Variants in MTMR9 observed in about 807,000 individuals in gnomAD.
MTMR9 encodes the protein myotubularin related protein 9.
In MTMR9, 39 loss-of-function variants were observed where a neutral mutation model predicts 69.5. The observed-to-expected ratio is 0.56, with a 90% CI of 0.43 to 0.73. The LOEUF (loss-of-function observed/expected upper bound fraction) is 0.73. Ranked by LOEUF, MTMR9 falls within the 30% of genes least tolerant of loss-of-function variation. The probability of loss-of-function intolerance (pLI) is 0.00; values close to 1 mark genes in which losing one functional copy is unlikely to be tolerated. For synonymous variants in MTMR9, 354 were observed against 240.8 expected (o/e 1.47, Z -4.35); for missense variants, 900 against 671.2 (o/e 1.34, Z -3.77).
Position 11,316,734 on chromosome 8 carries a change from G to A in MTMR9, c.1175G>A (p.Trp392Ter). 1 of 1,613,714 alleles carries A rather than the reference G, an allele frequency of 6.2e-7. No homozygotes were observed. Among genetic ancestry groups the A allele is most frequent in the Non-Finnish European group, 8.5e-7 (1 of 1,179,888 alleles). Residue 392 changes from tryptophan to a stop codon, truncating the protein, a stop_gained, in exon 8 of 10, where the codon TGG becomes TAG. Transcript: ENST00000221086. LOFTEE classifies it high-confidence loss of function. ...QSAYCNTKQK[W>*]EAPVFLLFLD... is the part of the protein sequence containing the mutation. The stretch of plus-strand genomic sequence containing the variant: ...GCCTACTGTAACACCAAGCAGAAGT[G>A]GGAGGCTCCTGTATTTCTTCTCTTC...
chr8:11,316,771 G>A lies in MTMR9; in HGVS notation c.1212G>A (p.Val404=), dbSNP rs1554504295. 6.8e-6 allele frequency: 11 copies of A among 1,613,892 alleles called. No homozygotes were observed. The highest frequency in any genetic ancestry group is 8.5e-6 in the Non-Finnish European group (10 of 1,179,934). The change falls in exon 8 of 10, where the codon GTG becomes GTA. Residue 404 remains valine, a synonymous_variant. Coordinates refer to ENST00000221086, the MANE Select transcript of MTMR9 (RefSeq NM_015458.4). ...APVFLLFLDC[V]WQILRQFPCS... ...TATTTCTTCTCTTCTTGGACTGCGT[G>A]TGGCAGATCCTTCGTCAGTTTCCCT...
intron 3 of MTMR9, among the ~76,000 whole-genome samples, chr8:11,302,556 C>G (rs1799788387): frequency 6.6e-6 from 1 of 151,988 alleles, no homozygotes; most frequent in South Asian, 2.1e-4. Flanking sequence ...ATGATAAAAG[C>G]TCTTAGAGTT....
rs117374158 is a variant in MTMR9, at chr8:11,302,218, A to T, written c.417+2070A>T. ...CAGTGAGCAGTGATAATGCCGCTGCACTCCAGCCTGGGTGAGAGAGCAAGA... is the reference window on the plus strand; with the variant it reads ...CAGTGAGCAGTGATAATGCCGCTGCTCTCCAGCCTGGGTGAGAGAGCAAGA... On this transcript the variant is annotated intron_variant, in intron 3 of 9. Coordinates refer to ENST00000221086, the MANE Select transcript of MTMR9 (RefSeq NM_015458.4). Among the ~76,000 whole-genome samples, 1,257 of 136,078 alleles carry T rather than the reference A, an allele frequency of 9.2e-3. 67 individuals are homozygous for T. In the East Asian group the frequency reaches 0.1, roughly 11 times the overall value. 89.3% of individuals were successfully genotyped at this position (136,078 alleles called of 152,430 possible). A position where few individuals can be genotyped will look rare whatever the true frequency, so the allele number is the denominator to read the frequency against.
Position 11,326,472 on chromosome 8 carries a change from G to C in MTMR9, c.*3684G>C, listed in dbSNP as rs1223192686. ...CATTCAGTACATCTGATAAAGTTTT[G>C]TTGTTGTTGTTGTTGTTGTTGTTTT... On this transcript the variant is annotated 3_prime_UTR_variant, in exon 10 of 10. Transcript: ENST00000221086. The C allele has an allele frequency of 7.4e-6, 1 of 135,214 alleles. No individual in the cohort carries two copies. 8.4% of individuals were successfully genotyped at this position (135,214 alleles called of 1,614,324 possible). A position where few individuals can be genotyped will look rare whatever the true frequency, so the allele number is the denominator to read the frequency against.
intron 7 of MTMR9, 128 bp from the exon 8 acceptor site, chr8:11,316,545 G>C: frequency 1.7e-6 from 1 of 574,344 alleles, no homozygotes. Flanking sequence ...CTGTACAACA[G>C]CTACCCTAAT....
intron 1 of MTMR9, 62 bp from the exon 2 acceptor site, chr8:11,295,132 T>C (rs979952193): frequency 1.2e-6 from 1 of 851,988 alleles, no homozygotes; most frequent in Non-Finnish European, 1.9e-6. Flanking sequence ...TTCAAAGAAA[T>C]AATAATATAT....
intron 1 of MTMR9, among the ~76,000 whole-genome samples, chr8:11,290,343 C>G (rs565138024): frequency 1.3e-5 from 2 of 151,978 alleles, no homozygotes; most frequent in Non-Finnish European, 2.9e-5. Flanking sequence ...GCATGGGTAC[C>G]TTGTATACTC....
At chr8:11,336,312 T>C in the MTMR9 span, among the ~76,000 whole-genome samples, 1 of 152,170 alleles carries the variant, frequency 6.6e-6, no homozygotes, top group Non-Finnish European at 1.5e-5. Context: ...TTGGTTCCAT[T>C]TACCAGGACC....
At chr8:11,289,650 C>T (rs773561040) in intron 1 of MTMR9, among the ~76,000 whole-genome samples, 2 of 152,134 alleles carry the variant, frequency 1.3e-5, no homozygotes, top group African/African-American at 2.4e-5. Context: ...TAGGCAACCA[C>T]GTTAGTTGTT....
Position 11,319,730 on chromosome 8 carries a change from T to C in MTMR9, c.1378T>C (p.Trp460Arg). 6.2e-7 allele frequency: 1 copy of C among 1,614,182 alleles called. No homozygotes were observed. Among genetic ancestry groups the C allele is most frequent in the East Asian group, 2.2e-5 (1 of 44,888 alleles). The change falls in exon 9 of 10, where the codon TGG becomes CGG. Residue 460 changes from tryptophan (W) to arginine (R), a missense_variant. Coordinates refer to ENST00000221086, the MANE Select transcript of MTMR9 (RefSeq NM_015458.4). ...LQQKTMSLWS[W>R]VNQPSELSKF... ...GCAGAAGACGATGTCTTTGTGGTCC[T>C]GGGTTAATCAGCCCAGTGAGCTGAG... is the stretch of plus-strand genomic sequence containing the variant.
chr8:11,330,050 G>A (rs557305630), downstream of MTMR9, among the ~76,000 whole-genome samples: 25 of 151,232 alleles, frequency 1.7e-4, no homozygotes, highest in South Asian at 4.2e-4. Context: ...CAGCCGCCCC[G>A]TCTGGGAAGT....
At chr8:11,298,354 C>G (rs561793944) in intron 2 of MTMR9, among the ~76,000 whole-genome samples, 3 of 151,894 alleles carry the variant, frequency 2.0e-5, no homozygotes, top group African/African-American at 7.2e-5. Flanking sequence ...GTGTGATTGG[C>G]AGCCAAAGAC....
chr8:11,336,679 G>A, the MTMR9 span, among the ~76,000 whole-genome samples: 13 of 152,162 alleles, frequency 8.5e-5, no homozygotes, highest in Non-Finnish European at 1.9e-4. Context: ...ATTTCTGCTC[G>A]ACAGGTCCAA....
At chr8:11,309,941 G>T (rs116828951) in intron 6 of MTMR9, among the ~76,000 whole-genome samples, 1,563 of 147,938 alleles carry the variant, frequency 0.011, 20 homozygotes, top group African/African-American at 0.036. Context: ...TAATGGACCC[G>T]TTTTTTTTTT....
intron 1 of MTMR9, among the ~76,000 whole-genome samples, chr8:11,291,468 A>G (rs148254691): frequency 6.6e-6 from 1 of 152,288 alleles, no homozygotes; most frequent in African/African-American, 2.4e-5. Flanking sequence ...ACAAAATGAT[A>G]AAATAGAACT....
At chr8:11,334,990 T>G in the MTMR9 span, among the ~76,000 whole-genome samples, 1 of 152,206 alleles carries the variant, frequency 6.6e-6, no homozygotes, top group Non-Finnish European at 1.5e-5. Flanking sequence ...TACTTAATGT[T>G]GAGAAGCTTG....
intron 1 of MTMR9, among the ~76,000 whole-genome samples, chr8:11,287,128 T>A (rs1799192294): frequency 6.6e-6 from 1 of 152,362 alleles, no homozygotes; most frequent in Admixed American, 6.5e-5. Context: ...ATTCTTCTGT[T>A]AATTCCACAA....
At chr8:11,304,295 T>C (rs1799858273) in intron 3 of MTMR9, among the ~76,000 whole-genome samples, 2 of 152,172 alleles carry the variant, frequency 1.3e-5, no homozygotes, top group African/African-American at 4.8e-5. Context: ...GGGTTTGATA[T>C]AGATAGTAGC....
intron 7 of MTMR9, chr8:11,316,401 C>A (rs566663689): frequency 7.1e-6 from 2 of 281,150 alleles, no homozygotes; most frequent in Non-Finnish European, 1.3e-5. Flanking sequence ...GTTCATTATT[C>A]TTCCATGGGA....
Sources: allele counts gnomAD v4.1 joint callset (sites outside exome capture counted in the v4.1 genomes callset), GRCh38; gene constraint gnomAD v4.1.1; transcripts MANE v1.5; gene names NCBI Gene and HGNC (gene_info 2026-07-23, HGNC 2026-07-21).